Variants in GPR153 observed in about 807,000 individuals in gnomAD.
GPR153 encodes the protein G protein-coupled receptor 153.
Under a neutral mutation model 34.1 loss-of-function variants are expected in GPR153, and 27 were observed. The ratio of observed to expected loss-of-function variants is 0.79; its 90% CI spans 0.58 to 1.09. GPR153 has a LOEUF of 1.09. Among genes scored for constraint, GPR153 ranks in the 50% least tolerant of loss-of-function variants. The pLI, the probability that GPR153 is intolerant of heterozygous loss-of-function variation, is 0.00. For synonymous variants in GPR153, 408 were observed against 405.4 expected, an observed-to-expected ratio of 1.01 and a Z score of -0.08; for missense variants, 848 against 860.2, an observed-to-expected ratio of 0.99 and a Z score of 0.18.
intron 1 of GPR153, among the ~76,000 whole-genome samples, chr1:6,255,661 T>TTTG (rs1638554665): frequency 7.1e-6 from 1 of 140,372 alleles, no homozygotes; most frequent in African/African-American, 2.7e-5. Flanking sequence ...TTTTTTTTTT[T>TTTG]TTTTTTTTTG....
chr1:6,252,634 G>GCTCATGTC (rs1024447128), intron 3 of GPR153, among the ~76,000 whole-genome samples: 1 of 152,234 alleles, frequency 6.6e-6, no homozygotes, highest in Non-Finnish European at 1.5e-5. Flanking sequence ...CCATTCTGGA[G>GCTCATGTC]CTCATGTCCT....
intron 1 of GPR153, among the ~76,000 whole-genome samples, chr1:6,258,335 G>C (rs1263753092): frequency 6.6e-6 from 1 of 152,116 alleles, no homozygotes; most frequent in African/African-American, 2.4e-5. Context: ...CATCATGTTG[G>C]CCAGGCTGGT....
At position 6,255,015 on chromosome 1, in the gene GPR153, C is replaced by G. The variant is rs1428929686; in HGVS notation, c.-109-1G>C. On this transcript the variant is annotated splice_acceptor_variant, in intron 1 of 5. Transcript: ENST00000377893. LOFTEE classifies it low-confidence loss of function (5UTR_SPLICE). ...CAAGGATGCTGGGGACCACGAGCAT[C>G]TGTGGGGGGGTGGCAGTGGGCACTC... 1.3e-6 allele frequency: 1 copy of G among 741,722 alleles called. No homozygotes were observed. Among genetic ancestry groups the G allele is most frequent in the Admixed American group, 3.3e-5 (1 of 30,048 alleles). The allele number at this position is 741,722 out of a possible 1,614,324, so 45.9% of individuals were successfully genotyped here. A position where few individuals can be genotyped will look rare whatever the true frequency, so the allele number is the denominator to read the frequency against.
At chr1:6,256,365 TCTTTC>T (rs1638568551) in intron 1 of GPR153, among the ~76,000 whole-genome samples, 2 of 136,916 alleles carry the variant, frequency 1.5e-5, no homozygotes, top group South Asian at 4.9e-4. Context: ...ATTTTTTAAA[TCTTTC>T]TTTTCTTTTT....
intron 1 of GPR153, among the ~76,000 whole-genome samples, chr1:6,256,247 C>T (rs748054877): frequency 2.6e-5 from 4 of 152,130 alleles, no homozygotes; most frequent in Non-Finnish European, 5.9e-5. Flanking sequence ...TTCAAGGCAC[C>T]ATCTTTGAAG....
intron 1 of GPR153, among the ~76,000 whole-genome samples, chr1:6,260,592 C>T (rs1638654442): frequency 6.6e-6 from 1 of 151,952 alleles, no homozygotes; most frequent in African/African-American, 2.4e-5. Context: ...CTGAGAAGCC[C>T]AGGGGGCGGC....
In GPR153 at chr1:6,254,134, T is replaced by A; in HGVS notation, c.370A>T (p.Lys124Ter). 3 of 1,608,548 alleles carry A rather than the reference T, an allele frequency of 1.9e-6. No individual in the cohort carries two copies. Among genetic ancestry groups the A allele is most frequent in the Non-Finnish European group, 2.6e-6 (3 of 1,175,868 alleles). ...WPVNYRLSNA[K>*]KQAVHTVMGI... ...ATGACTGTGTGCACCGCCTGCTTCT[T>A]GGCATTGCTCAGCCTGGCATGAGGC... The change falls in exon 3 of 6, where the codon AAG (lysine) becomes TAG (stop). Residue 124 changes from lysine (K) to a stop codon, truncating the protein, a stop_gained. Transcript: ENST00000377893. LOFTEE classifies it high-confidence loss of function.
chr1:6,250,232 A>C (rs1398270468), intron 5 of GPR153: 27 of 985,166 alleles, frequency 2.7e-5, no homozygotes, highest in Admixed American at 6.1e-5. Flanking sequence ...AGCCGGCAGG[A>C]GATAACTCAT....
At position 6,249,372 on chromosome 1, in the gene GPR153, G is replaced by A. The variant is rs769654419; in HGVS notation, c.1796C>T (p.Thr599Met). 2 of 1,350,662 alleles carry A rather than the reference G, an allele frequency of 1.5e-6. No homozygotes were observed. The highest frequency in any genetic ancestry group is 1.9e-5 in the South Asian group (1 of 51,788). 83.7% of individuals were successfully genotyped at this position (1,350,662 alleles called of 1,614,324 possible). A position where few individuals can be genotyped will look rare whatever the true frequency, so the allele number is the denominator to read the frequency against. Residue 599 changes from threonine (T) to methionine (M), a missense_variant, in exon 6 of 6, where the codon ACG (threonine) becomes ATG (methionine). Transcript: ENST00000377893. The surrounding 1 kb of genome is among the most constrained non-coding windows in gnomAD (Gnocchi z 4.3). ...GGAGCCCAGCGAGTCCGAGTGCAGCGTGGCGTAGCCCGAGGACTCGGAGGG... is the reference window on the plus strand; with the variant it reads ...GGAGCCCAGCGAGTCCGAGTGCAGCATGGCGTAGCCCGAGGACTCGGAGGG... ...SSPSESSGYATLHSDSLGSAS is the reference protein window; with the variant it reads ...SSPSESSGYAMLHSDSLGSAS
chr1:6,258,754 G>T (rs571623561), intron 1 of GPR153, among the ~76,000 whole-genome samples: 1 of 152,286 alleles, frequency 6.6e-6, no homozygotes, highest in Non-Finnish European at 1.5e-5. Flanking sequence ...TGTGAGACTG[G>T]GAGGCCTTCC....
At position 6,250,455 on chromosome 1, in the gene GPR153, C is replaced by G; in HGVS notation, c.1149G>C (p.Lys383Asn). 1 of 1,603,194 alleles carries G rather than the reference C, an allele frequency of 6.2e-7. No homozygotes were observed. Among genetic ancestry groups the G allele is most frequent in the Non-Finnish European group, 8.5e-7 (1 of 1,175,342 alleles). Reference protein sequence around the residue: ...LYPLRPLQEDKMQYLQVPPTR... With the variant: ...LYPLRPLQEDNMQYLQVPPTR... ...CTGCGCTCACCTGCAGGTATTGCATCTTGTCCTCCTGCAAGGGCCGCAGTG... is the reference window on the plus strand; with the variant it reads ...CTGCGCTCACCTGCAGGTATTGCATGTTGTCCTCCTGCAAGGGCCGCAGTG... The change falls in exon 5 of 6, where the codon AAG becomes AAC. Residue 383 changes from lysine (K) to asparagine (N), a missense_variant. Lys to Asn is a moderately conservative substitution (Grantham distance 94, BLOSUM62 0). Coordinates refer to ENST00000377893, the MANE Select transcript of GPR153 (RefSeq NM_207370.4).
intron 3 of GPR153, 59 bp downstream of exon 3, chr1:6,253,659 T>C (rs1431117671): frequency 7.0e-7 from 1 of 1,425,214 alleles, no homozygotes; most frequent in Non-Finnish European, 9.4e-7. Context: ...ATGCCTGGAG[T>C]ATGAGCAGCC....
Position 6,248,260 on chromosome 1 carries a change from C to A in GPR153, c.*1078G>T, listed in dbSNP as rs544984712. 12 of 152,454 alleles carry A rather than the reference C, an allele frequency of 7.9e-5. No homozygotes were observed. The highest frequency in any genetic ancestry group is 2.9e-4 in the African/African-American group (12 of 41,578). 9.4% of individuals were successfully genotyped at this position (152,454 alleles called of 1,614,324 possible). On this transcript the variant is annotated 3_prime_UTR_variant, in exon 6 of 6. Coordinates refer to ENST00000377893, the MANE Select transcript of GPR153 (RefSeq NM_207370.4). ...TGCTCCCAGGGGTTGGACGCCTGCC[C>A]GGGACCAGGCCTTGAGCTGAGAACC...
chr1:6,260,087 T>A (rs114402530), intron 1 of GPR153, among the ~76,000 whole-genome samples: 3,125 of 152,150 alleles, frequency 0.021, 128 homozygotes, highest in African/African-American at 0.071. Flanking sequence ...CCGCAAGACA[T>A]GCGGGCGGGG....
rs1342994207 is a variant in GPR153, at chr1:6,249,568, G to A, written c.1600C>T (p.Pro534Ser). The A allele has an allele frequency of 2.5e-6, 3 of 1,184,160 alleles. No homozygotes were observed. The East Asian group carries it at 1.1e-4, about 43-fold the overall frequency. The allele number at this position is 1,184,160 out of a possible 1,614,324, so 73.4% of individuals were successfully genotyped here. Residue 534 changes from proline to serine, a missense_variant, in exon 6 of 6, where the codon CCC (proline) becomes TCC (serine). Pro to Ser is a moderately conservative substitution (Grantham distance 74). Coordinates refer to ENST00000377893, the MANE Select transcript of GPR153 (RefSeq NM_207370.4). The surrounding 1 kb of genome is among the most constrained non-coding windows in gnomAD (Gnocchi z 4.3). ...CTTGGGGGCGTCGGGGCCTCTCCGG[G>A]ATCTGCGCCGTCGGGGGCGGCGGGC... The part of the protein sequence containing the change: ...AAPAAPDGAD[P>S]GEAPTPPSSA...
intron 1 of GPR153, among the ~76,000 whole-genome samples, chr1:6,258,375 C>T (rs1277984645): frequency 2.0e-5 from 3 of 152,168 alleles, no homozygotes; most frequent in Non-Finnish European, 2.9e-5. Flanking sequence ...GTGATCCACC[C>T]GCTTCGGCCT....
chr1:6,254,930 G>A lies in GPR153; in HGVS notation c.-25C>T, dbSNP rs1638533801. On this transcript the variant is annotated 5_prime_UTR_variant, in exon 2 of 6. Transcript: ENST00000377893. ...TGGTGCAGACCGGAGCTGGCAGGCG[G>A]CTGTGGCATCCTCCTTGGAGCCAGG... The A allele has an allele frequency of 1.3e-6, 2 of 1,501,982 alleles. No individual in the cohort carries two copies. Among genetic ancestry groups the A allele is most frequent in the South Asian group, 1.3e-5 (1 of 75,170 alleles). The allele number at this position is 1,501,982 out of a possible 1,614,324, so 93.0% of individuals were successfully genotyped here. A position where few individuals can be genotyped will look rare whatever the true frequency, so the allele number is the denominator to read the frequency against.
rs1425204368 is a variant in GPR153 at position 6,251,457 on chromosome 1, A to C, written c.860T>G (p.Val287Gly). 1 of 1,613,144 alleles carries C rather than the reference A, an allele frequency of 6.2e-7. No individual in the cohort carries two copies. The highest frequency in any genetic ancestry group is 1.7e-5 in the Admixed American group (1 of 59,992). Residue 287 changes from valine to glycine, a missense_variant, in exon 4 of 6, where the codon GTG becomes GGG. By Grantham distance (109) the Val-to-Gly change is moderately radical (BLOSUM62 -3). Coordinates refer to ENST00000377893, the MANE Select transcript of GPR153 (RefSeq NM_207370.4). This position sits in a 1 kb window ranked among gnomAD's most constrained non-coding sequence, Gnocchi z 4.9. ...CACAGGCAGCAGCAGGGCCTGGGCC[A>C]CGGAGCACCACAGCACGCAGAGTGC... ...WMALCVLWCSVAQALLLPVFL... is the reference protein window; with the variant it reads ...WMALCVLWCSGAQALLLPVFL...
chr1:6,259,265 A>G (rs1638623454), intron 1 of GPR153, among the ~76,000 whole-genome samples: 1 of 152,158 alleles, frequency 6.6e-6, no homozygotes, highest in Non-Finnish European at 1.5e-5. Context: ...CTGTCTTAAA[A>G]AGAAAAAGGC....
Sources: allele counts gnomAD v4.1 joint callset (sites outside exome capture counted in the v4.1 genomes callset), GRCh38; gene constraint gnomAD v4.1.1; non-coding constraint Gnocchi (gnomAD v3.1); transcripts MANE v1.5; gene names NCBI Gene and HGNC (gene_info 2026-07-23, HGNC 2026-07-21).